ZFAND3: variants seen among roughly 807,000 people sequenced by gnomAD.
The protein encoded by ZFAND3 is zinc finger AN1-type containing 3, also known as AN1-type zinc finger protein 3.
Under a neutral mutation model 29.6 loss-of-function variants are expected in ZFAND3, and 10 were observed. The observed-to-expected ratio is 0.34, with a 90% CI of 0.21 to 0.57. The LOEUF (loss-of-function observed/expected upper bound fraction) is 0.57. Ranked by LOEUF, ZFAND3 falls within the 20% of genes least tolerant of loss-of-function variation. ZFAND3 has a pLI of 0.86. For missense variants in ZFAND3, 230 were observed against 304.5 expected, an observed-to-expected ratio of 0.76 and a Z score of 1.82; for synonymous variants, 128 against 112.6, an observed-to-expected ratio of 1.14 and a Z score of -0.87.
At chr6:37,823,853 G>A (rs748859549) in intron 1 of ZFAND3, among the ~76,000 whole-genome samples, 3 of 151,914 alleles carry the variant, frequency 2.0e-5, no homozygotes, top group Non-Finnish European at 4.4e-5. Flanking sequence ...GTGCAATGGC[G>A]CAAGCTTGGC....
At chr6:38,121,659 A>G (rs1581935967) in intron 5 of ZFAND3, among the ~76,000 whole-genome samples, 3 of 152,136 alleles carry the variant, frequency 2.0e-5, no homozygotes, top group East Asian at 3.9e-4. Flanking sequence ...ATATTTCTTC[A>G]TAATTAGATT....
intron 5 of ZFAND3, among the ~76,000 whole-genome samples, chr6:38,151,359 G>A (rs9462390): frequency 0.033 from 5,052 of 152,252 alleles, 223 homozygotes; most frequent in African/African-American, 0.096. Flanking sequence ...AGCATCCTGC[G>A]CTTCTGGGAG....
chr6:38,108,387 C>T (rs762196461), intron 4 of ZFAND3, among the ~76,000 whole-genome samples: 7 of 152,034 alleles, frequency 4.6e-5, no homozygotes, highest in East Asian at 1.9e-4. Flanking sequence ...ATAAGCCTTC[C>T]GTAAGCTGGG....
chr6:38,098,780 G>T (rs749780259), intron 4 of ZFAND3, among the ~76,000 whole-genome samples: 3 of 152,126 alleles, frequency 2.0e-5, no homozygotes, highest in Non-Finnish European at 4.4e-5. Flanking sequence ...AGGATTACAG[G>T]CATGAGCCAC....
intron 2 of ZFAND3, among the ~76,000 whole-genome samples, chr6:37,953,111 G>A (rs1430712678): frequency 6.6e-6 from 1 of 151,856 alleles, no homozygotes; most frequent in Non-Finnish European, 1.5e-5. Context: ...GCATTAAGAT[G>A]ATTTTATTTA....
chr6:37,919,348 T>C (rs999988821), intron 1 of ZFAND3, among the ~76,000 whole-genome samples: 2 of 152,244 alleles, frequency 1.3e-5, no homozygotes, highest in African/African-American at 2.4e-5. Flanking sequence ...AATTTGTATA[T>C]GCTCGTAATA....
chr6:38,004,556 C>CAA (rs1209067576), intron 2 of ZFAND3, among the ~76,000 whole-genome samples: 1 of 151,384 alleles, frequency 6.6e-6, no homozygotes, highest in Non-Finnish European at 1.5e-5. Context: ...CACACACACA[C>CAA]ACACACGAAT....
At chr6:37,914,751 T>C (rs1380882174) in intron 1 of ZFAND3, among the ~76,000 whole-genome samples, 1 of 149,610 alleles carries the variant, frequency 6.7e-6, no homozygotes, top group Non-Finnish European at 1.5e-5. Flanking sequence ...TCTGCCTGCC[T>C]CGGCCTCCCA....
Position 37,864,019 on chromosome 6 carries a change from T to C in ZFAND3, c.71+44003T>C, listed in dbSNP as rs779379023. Among the ~76,000 whole-genome samples, 67 of 152,322 alleles carry C rather than the reference T, an allele frequency of 4.4e-4. 1 individual carries two copies. Among genetic ancestry groups the C allele is most frequent in the Non-Finnish European group, 7.8e-4 (53 of 68,010 alleles). On this transcript the variant is annotated intron_variant, in intron 1 of 5. Coordinates refer to ENST00000287218, the MANE Select transcript of ZFAND3 (RefSeq NM_021943.3). Reference sequence around the variant, plus strand: ...TTGTTTAGACAGCTTTTGCTTGTTCTAAAAGTTTGAATGTGAATTGGGGTT... The same window carrying C: ...TTGTTTAGACAGCTTTTGCTTGTTCCAAAAGTTTGAATGTGAATTGGGGTT...
chr6:37,951,144 T>C (rs1761991351), intron 2 of ZFAND3, among the ~76,000 whole-genome samples: 1 of 152,198 alleles, frequency 6.6e-6, no homozygotes, highest in African/African-American at 2.4e-5. Flanking sequence ...ACTATAGAAA[T>C]GGGATTGCAG....
intron 5 of ZFAND3, among the ~76,000 whole-genome samples, chr6:38,150,941 G>T (rs1193507517): frequency 6.6e-6 from 1 of 152,194 alleles, no homozygotes; most frequent in Non-Finnish European, 1.5e-5. Flanking sequence ...ACGGGGCCTG[G>T]AGGTGTGGTG....
In ZFAND3 at chr6:38,067,651, A is replaced by G. The variant is rs191903133; in HGVS notation, c.295+5876A>G. On this transcript the variant is annotated intron_variant, in intron 3 of 5. Coordinates refer to ENST00000287218, the MANE Select transcript of ZFAND3 (RefSeq NM_021943.3). ...CTGAGGGAGATAAAGTGTGATTTGT[A>G]GTTAAGTTTTTTGACCCAACTTTTG... Among the ~76,000 whole-genome samples, 10 of 152,330 alleles carry G rather than the reference A, an allele frequency of 6.6e-5. No homozygotes were observed. The East Asian group carries it at 1.9e-3, about 29-fold the overall frequency.
At chr6:37,891,821 C>T (rs978405104) in intron 1 of ZFAND3, among the ~76,000 whole-genome samples, 4 of 151,948 alleles carry the variant, frequency 2.6e-5, no homozygotes, top group African/African-American at 4.8e-5. Flanking sequence ...TCTGGCCTCC[C>T]AGATTCAAGC....
chr6:37,955,149 TTGTGTGTG>T (rs3047089), intron 2 of ZFAND3, among the ~76,000 whole-genome samples: 17 of 148,846 alleles, frequency 1.1e-4, no homozygotes, highest in Non-Finnish European at 2.2e-4. Flanking sequence ...CAACCAATTT[TTGTGTGTG>T]TGTGTGTGTG....
intron 2 of ZFAND3, among the ~76,000 whole-genome samples, chr6:37,983,463 TCTC>T (rs1762614809): frequency 6.8e-6 from 1 of 147,054 alleles, no homozygotes; most frequent in African/African-American, 2.5e-5. Context: ...TTCAAGCTAT[TCTC>T]CTCCTGCCTC....
At chr6:38,103,222 G>A (rs1277027085) in intron 4 of ZFAND3, among the ~76,000 whole-genome samples, 5 of 151,996 alleles carry the variant, frequency 3.3e-5, no homozygotes, top group East Asian at 1.9e-4. Flanking sequence ...TGGTTATGAC[G>A]TTATGAGAAA....
chr6:37,886,607 A>G (rs551048001), intron 1 of ZFAND3, among the ~76,000 whole-genome samples: 18 of 152,326 alleles, frequency 1.2e-4, no homozygotes, highest in African/African-American at 4.1e-4. Flanking sequence ...TTGCTCAGTA[A>G]AGCTATTAAG....
intron 2 of ZFAND3, among the ~76,000 whole-genome samples, chr6:38,041,625 CTACTT>C (rs1763763912): frequency 1.3e-4 from 13 of 102,598 alleles, no homozygotes; most frequent in Admixed American, 4.6e-4. Context: ...GTTTTTTTAT[CTACTT>C]TTTCTTCTTC....
At chr6:37,984,883 A>T (rs1005085695) in intron 2 of ZFAND3, among the ~76,000 whole-genome samples, 3 of 152,198 alleles carry the variant, frequency 2.0e-5, no homozygotes, top group Non-Finnish European at 4.4e-5. Context: ...ATTATCAGAG[A>T]GGTCATTGCT....
Sources: gnomAD v4.1 joint callset for allele counts (sites outside exome capture counted in the v4.1 genomes callset) on GRCh38, gnomAD v4.1.1 for gene constraint, MANE v1.5 for transcripts, NCBI Gene and HGNC (gene_info 2026-07-23, HGNC 2026-07-21) for gene names.